The following SPINT2 variants were observed in gnomAD, a reference collection of about 807,000 sequenced individuals.
SPINT2 encodes the protein serine peptidase inhibitor, Kunitz type 2, also known as kunitz-type protease inhibitor 2.
Under a neutral mutation model 30.1 loss-of-function variants are expected in SPINT2, and 18 were observed. The observed-to-expected ratio is 0.60, with a 90% confidence interval of 0.41 to 0.89. SPINT2 has a LOEUF of 0.89. Ranked by LOEUF, SPINT2 falls within the 40% of genes least tolerant of loss-of-function variation. The pLI is 0.00. For synonymous variants in SPINT2, 139 were observed against 137.9 expected (o/e 1.01, Z -0.05); for missense variants, 276 against 334.3 (o/e 0.83, Z 1.36).
chr19:38,280,235 T>G (rs1968565324), intron 1 of SPINT2, among the ~76,000 whole-genome samples: 1 of 152,172 alleles, frequency 6.6e-6, no homozygotes, highest in Non-Finnish European at 1.5e-5. Context: ...GGACAGATCG[T>G]GACCGTGCTC....
chr19:38,286,367 G>A (rs1470102598), intron 2 of SPINT2, among the ~76,000 whole-genome samples: 2 of 152,224 alleles, frequency 1.3e-5, no homozygotes, highest in African/African-American at 4.8e-5. Flanking sequence ...GAGGCAGAAC[G>A]CGGGGAGCTG....
intron 1 of SPINT2, among the ~76,000 whole-genome samples, chr19:38,269,129 C>T (rs1399597954): frequency 2.0e-5 from 3 of 151,976 alleles, no homozygotes; most frequent in Middle Eastern, 3.4e-3. Flanking sequence ...GACGGAGTCT[C>T]TCTCATCGCC....
chr19:38,267,439 G>A (rs896124970), intron 1 of SPINT2, among the ~76,000 whole-genome samples: 4 of 152,140 alleles, frequency 2.6e-5, no homozygotes, highest in African/African-American at 7.2e-5. Flanking sequence ...GGGAGGATGG[G>A]GGTTGGTCAA....
chr19:38,271,705 AGGC>A (rs1968458752), intron 1 of SPINT2, among the ~76,000 whole-genome samples: 1 of 151,654 alleles, frequency 6.6e-6, no homozygotes, highest in Non-Finnish European at 1.5e-5. Flanking sequence ...GTGCAGTGGC[AGGC>A]GCCTGGAGGC....
intron 1 of SPINT2, among the ~76,000 whole-genome samples, chr19:38,267,376 CT>C: frequency 6.6e-6 from 1 of 152,092 alleles, no homozygotes; most frequent in Non-Finnish European, 1.5e-5. Context: ...GGCTCAGGTG[CT>C]GCTGGATGAG....
chr19:38,269,589 T>C (rs944843361), intron 1 of SPINT2, among the ~76,000 whole-genome samples: 116 of 148,928 alleles, frequency 7.8e-4, no homozygotes, highest in Non-Finnish European at 1.6e-3. Flanking sequence ...TATTTTTAGT[T>C]GAGATGGGAT....
chr19:38,288,591 C>A, intron 3 of SPINT2: 1 of 200,942 alleles, frequency 5.0e-6, no homozygotes, highest in Non-Finnish European at 1.0e-5. Flanking sequence ...GGGTACTGCA[C>A]CGCACCCCTG....
intron 1 of SPINT2, among the ~76,000 whole-genome samples, chr19:38,269,608 T>C (rs1464000155): frequency 2.1e-5 from 2 of 97,558 alleles, no homozygotes; most frequent in Non-Finnish European, 4.6e-5. Context: ...ATTTCTTTTC[T>C]TTTTTTTTTT....
intron 2 of SPINT2, among the ~76,000 whole-genome samples, chr19:38,287,306 C>T (rs1267674563): frequency 6.6e-6 from 1 of 152,252 alleles, no homozygotes; most frequent in East Asian, 1.9e-4. Flanking sequence ...TCAAGCAATT[C>T]TCCTGCCTCA....
At chr19:38,280,778 G>A (rs1450892901) in intron 1 of SPINT2, among the ~76,000 whole-genome samples, 2 of 152,132 alleles carry the variant, frequency 1.3e-5, no homozygotes, top group East Asian at 1.9e-4. Context: ...CTGCCTGGGC[G>A]CCGGGTGTTG....
rs1216796777 is a variant in SPINT2, at chr19:38,290,896, A to G, written c.592+321A>G. The G allele has an allele frequency of 6.5e-6, 3 of 463,218 alleles. No individual in the cohort carries two copies. The highest frequency in any genetic ancestry group is 2.0e-5 in the African/African-American group (1 of 50,392). 28.7% of individuals were successfully genotyped at this position (463,218 alleles called of 1,614,324 possible). A position where few individuals can be genotyped will look rare whatever the true frequency, so the allele number is the denominator to read the frequency against. ...CCTGAGGTGTGGAGGGAGCGCTGCT[A>G]TGTGGGGCATAAGAGTTGGTCACGG... is the stretch of plus-strand genomic sequence containing the variant. On this transcript the variant is annotated intron_variant, in intron 6 of 6. Coordinates refer to ENST00000301244, the MANE Select transcript of SPINT2 (RefSeq NM_021102.4). The surrounding 1 kb of genome is among the most constrained non-coding windows in gnomAD (Gnocchi z 4.3).
Position 38,290,292 on chromosome 19 carries a change from G to A in SPINT2, c.553+12G>A. 6.2e-7 allele frequency: 1 copy of A among 1,610,720 alleles called. No individual in the cohort carries two copies. Among genetic ancestry groups the A allele is most frequent in the Non-Finnish European group, 8.5e-7 (1 of 1,179,376 alleles). ...GCTCCGCTGCTTCCGTAAGTCTGCA[G>A]CCCCTCAGCCCAGGAAGCCCTGCCC... On this transcript the variant is annotated intron_variant, in intron 5 of 6. Transcript: ENST00000301244. The surrounding 1 kb of genome is among the most constrained non-coding windows in gnomAD (Gnocchi z 4.3).
At chr19:38,287,797 G>A (rs1968660284) in intron 2 of SPINT2, 79 bp from the exon 3 acceptor site, 14 of 1,485,824 alleles carry the variant, frequency 9.4e-6, no homozygotes, top group Admixed American at 1.7e-5. Context: ...GGTGAGAGGC[G>A]CACAGGGCCA....
intron 2 of SPINT2, 130 bp downstream of exon 2, chr19:38,283,927 C>T (rs554521904): frequency 1.9e-5 from 21 of 1,112,392 alleles, no homozygotes; most frequent in East Asian, 2.6e-5. Flanking sequence ...CTGCAAGCTC[C>T]GCCTCCCGGG....
rs1254089572 is a variant in SPINT2, at chr19:38,283,582, C to T, written c.107-45C>T. The T allele has an allele frequency of 3.7e-6, 6 of 1,612,576 alleles. No homozygotes were observed. In the African/African-American group the frequency reaches 5.3e-5, roughly 14 times the overall value. ...CAGGTCTGTGCGTGTCCTTTGTTGC[C>T]AGGATTGCCCTGCCAAGCTAACCGG... On this transcript the variant is annotated intron_variant, in intron 1 of 6. Coordinates refer to ENST00000301244, the MANE Select transcript of SPINT2 (RefSeq NM_021102.4).
chr19:38,273,834 CTG>C (rs974640132), intron 1 of SPINT2, among the ~76,000 whole-genome samples: 1 of 152,262 alleles, frequency 6.6e-6, no homozygotes, highest in East Asian at 1.9e-4. Context: ...TGGTTGGACT[CTG>C]TAGTGAAATG....
intron 1 of SPINT2, among the ~76,000 whole-genome samples, chr19:38,268,279 G>A (rs552568469): frequency 6.6e-6 from 1 of 152,050 alleles, no homozygotes; most frequent in Non-Finnish European, 1.5e-5. Flanking sequence ...AGACAGAGGT[G>A]GGGGGAAAGC....
Position 38,290,416 on chromosome 19 carries a change from A to G in SPINT2, c.554-121A>G. Reference sequence around the variant, plus strand: ...GCAGCAAGGCCTCTAAGCCCCAGAAAAGCTGGAAGAAAGCCCCTCAGAAAG... The same window carrying G: ...GCAGCAAGGCCTCTAAGCCCCAGAAGAGCTGGAAGAAAGCCCCTCAGAAAG... On this transcript the variant is annotated intron_variant, in intron 5 of 6. Transcript: ENST00000301244. This position sits in a 1 kb window ranked among gnomAD's most constrained non-coding sequence, Gnocchi z 4.3. 6.3e-7 allele frequency: 1 copy of G among 1,593,724 alleles called. No homozygotes were observed. Among genetic ancestry groups the G allele is most frequent in the South Asian group, 1.1e-5 (1 of 89,290 alleles).
At chr19:38,267,380 T>C (rs895146046) in intron 1 of SPINT2, among the ~76,000 whole-genome samples, 3 of 152,108 alleles carry the variant, frequency 2.0e-5, no homozygotes, top group Non-Finnish European at 2.9e-5. Flanking sequence ...CAGGTGCTGC[T>C]GGATGAGTGT....
Sources: allele counts gnomAD v4.1 joint callset (sites outside exome capture counted in the v4.1 genomes callset), GRCh38; gene constraint gnomAD v4.1.1; non-coding constraint Gnocchi (gnomAD v3.1); transcripts MANE v1.5; gene names NCBI Gene and HGNC (gene_info 2026-07-23, HGNC 2026-07-21).